Variants in PDPN observed in about 807,000 individuals in gnomAD.
The protein encoded by PDPN is podoplanin.
Under a neutral mutation model 23.2 loss-of-function variants are expected in PDPN, and 12 were observed. That is an observed-to-expected ratio of 0.52 (90% confidence interval 0.33 to 0.84). The LOEUF (loss-of-function observed/expected upper bound fraction) is 0.84, where lower values mean the gene tolerates loss of function less well. PDPN is among the 40% of genes least tolerant of loss of function. The pLI is 0.02. For missense variants in PDPN, 199 were observed against 212.2 expected, an observed-to-expected ratio of 0.94 and a Z score of 0.39; for synonymous variants, 77 against 76.7, an observed-to-expected ratio of 1.00 and a Z score of -0.02.
Position 13,584,088 on chromosome 1 carries a change from C to G in PDPN, c.55C>G (p.Leu19Val). 1 of 1,613,052 alleles carries G rather than the reference C, an allele frequency of 6.2e-7. No individual in the cohort carries two copies. Among genetic ancestry groups the G allele is most frequent in the Non-Finnish European group, 8.5e-7 (1 of 1,179,976 alleles). ...TTTGGGAAGCGCGTCGCTCTGGGTC[C>G]TGGCAGAAGGAGGTAAGACCCAGCG... ...FVLGSASLWV[L>V]AEGASTGQPE... Residue 19 changes from leucine (L) to valine (V), a missense_variant, in exon 1 of 6, where the codon CTG becomes GTG. Leu to Val is a conservative substitution (Grantham distance 32). Coordinates refer to ENST00000621990, the MANE Select transcript of PDPN (RefSeq NM_006474.5).
At chr1:13,596,689 G>A (rs79567026) in intron 1 of PDPN, among the ~76,000 whole-genome samples, 8 of 152,154 alleles carry the variant, frequency 5.3e-5, no homozygotes, top group African/African-American at 1.7e-4. Context: ...GCAAAACATC[G>A]ATATTCCAAA....
At chr1:13,591,133 G>A (rs1640332681) in intron 1 of PDPN, among the ~76,000 whole-genome samples, 1 of 152,006 alleles carries the variant, frequency 6.6e-6, no homozygotes, top group Non-Finnish European at 1.5e-5. Context: ...ATAGAGACGG[G>A]GTTTCATCAT....
At chr1:13,593,446 G>T (rs1640407886) in intron 1 of PDPN, among the ~76,000 whole-genome samples, 1 of 152,124 alleles carries the variant, frequency 6.6e-6, no homozygotes. Context: ...GGAGAAAAAT[G>T]GCAAGGGAAG....
At chr1:13,602,363 A>C (rs1640668952) in intron 1 of PDPN, among the ~76,000 whole-genome samples, 1 of 152,114 alleles carries the variant, frequency 6.6e-6, no homozygotes, top group Non-Finnish European at 1.5e-5. Flanking sequence ...TAGGCCAAAG[A>C]ATACATTCTT....
intron 1 of PDPN, chr1:13,585,667 G>A (rs746501135): frequency 1.0e-5 from 14 of 1,346,394 alleles, no homozygotes; most frequent in Non-Finnish European, 9.8e-6. Flanking sequence ...CGTTAAAACC[G>A]AAAAACCATC....
At chr1:13,594,697 A>G (rs1194826049) in intron 1 of PDPN, among the ~76,000 whole-genome samples, 2 of 152,154 alleles carry the variant, frequency 1.3e-5, no homozygotes, top group African/African-American at 4.8e-5. Flanking sequence ...TGTAAAGAAC[A>G]AGAGAGCTGC....
chr1:13,610,020 C>T (rs1640893471), intron 2 of PDPN, among the ~76,000 whole-genome samples: 1 of 152,122 alleles, frequency 6.6e-6, no homozygotes, highest in Admixed American at 6.5e-5. Context: ...AACGAGACTG[C>T]ACCATTGCAC....
In PDPN at chr1:13,583,871, AGCTCGGGCACCCTCCCTCT is replaced by A; in HGVS notation, c.-162_-144del. 2 of 1,606,486 alleles carry A rather than the reference AGCTCGGGCACCCTCCCTCT, an allele frequency of 1.2e-6. No homozygotes were observed. Among genetic ancestry groups the A allele is most frequent in the Non-Finnish European group, 1.7e-6 (2 of 1,176,230 alleles). On this transcript the variant is annotated 5_prime_UTR_variant, in exon 1 of 6. Transcript: ENST00000621990. ...CTGTCCGGCTGCCTAGGGTCTGGGA[AGCTCGGGCACCCTCCCTCT>A]CCGGGGCTCCTGCTCCCACCCCTCC...
intron 2 of PDPN, among the ~76,000 whole-genome samples, chr1:13,607,751 T>A (rs1291101637): frequency 6.6e-6 from 1 of 152,186 alleles, no homozygotes; most frequent in East Asian, 1.9e-4. Flanking sequence ...AGCCCAACTT[T>A]CAATACAATG....
chr1:13,596,390 G>A (rs1640497919), intron 1 of PDPN, among the ~76,000 whole-genome samples: 1 of 152,158 alleles, frequency 6.6e-6, no homozygotes, highest in Admixed American at 6.5e-5. Flanking sequence ...AGAGTGGCAG[G>A]CAGGCCAAAG....
chr1:13,586,125 T>A (rs1640172303), intron 1 of PDPN, among the ~76,000 whole-genome samples: 1 of 152,116 alleles, frequency 6.6e-6, no homozygotes, highest in African/African-American at 2.4e-5. Flanking sequence ...GCCACTTCAT[T>A]AGAGAGTTTA....
chr1:13,587,877 G>A lies in PDPN; in HGVS notation c.67+3777G>A, dbSNP rs1469814722. Among the ~76,000 whole-genome samples, 3 of 152,202 alleles carry A rather than the reference G, an allele frequency of 2.0e-5. No individual in the cohort carries two copies. In the East Asian group the frequency reaches 5.8e-4, roughly 29 times the overall value. On this transcript the variant is annotated intron_variant, in intron 1 of 5. Transcript: ENST00000621990. ...AACCCCAGCCCCTGTCCACCGGCCTGTTGGCAGCCAGTCAGATGATGGCAA... is the reference window on the plus strand; with the variant it reads ...AACCCCAGCCCCTGTCCACCGGCCTATTGGCAGCCAGTCAGATGATGGCAA...
intron 1 of PDPN, among the ~76,000 whole-genome samples, chr1:13,600,067 A>G (rs1376902878): frequency 6.6e-6 from 1 of 152,212 alleles, no homozygotes; most frequent in African/African-American, 2.4e-5. Flanking sequence ...GTCATTAAAT[A>G]AGACTGGAAG....
rs1413040025 is a variant in PDPN, at chr1:13,616,969, T to G, written c.*1058T>G. 1 of 152,196 alleles carries G rather than the reference T, an allele frequency of 6.6e-6. No individual in the cohort carries two copies. The highest frequency in any genetic ancestry group is 1.5e-5 in the Non-Finnish European group (1 of 68,042). 9.4% of individuals were successfully genotyped at this position (152,196 alleles called of 1,614,324 possible). A position where few individuals can be genotyped will look rare whatever the true frequency, so the allele number is the denominator to read the frequency against. ...AAGATACAGGGAACAAAAATCAATT[T>G]GTACAGTCTTAATATTAAAAGCAGC... is the stretch of plus-strand genomic sequence containing the variant. On this transcript the variant is annotated 3_prime_UTR_variant, in exon 6 of 6. Transcript: ENST00000621990.
At chr1:13,613,078 G>A (rs1376687730) in intron 3 of PDPN, among the ~76,000 whole-genome samples, 1 of 152,126 alleles carries the variant, frequency 6.6e-6, no homozygotes, top group Non-Finnish European at 1.5e-5. Context: ...ATTAGACTGG[G>A]TTTGACTGCA....
At chr1:13,586,759 C>A (rs1640188889) in intron 1 of PDPN, among the ~76,000 whole-genome samples, 1 of 123,790 alleles carries the variant, frequency 8.1e-6, no homozygotes. Context: ...CACTACTCTG[C>A]CATTAAAAAA....
Position 13,617,532 on chromosome 1 carries a change from C to G in PDPN, c.*1621C>G, listed in dbSNP as rs1471342302. 6.6e-6 allele frequency: 1 copy of G among 152,158 alleles called. No individual in the cohort carries two copies. The highest frequency in any genetic ancestry group is 6.5e-5 in the Admixed American group (1 of 15,278). 9.4% of individuals were successfully genotyped at this position (152,158 alleles called of 1,614,324 possible). A position where few individuals can be genotyped will look rare whatever the true frequency, so the allele number is the denominator to read the frequency against. On this transcript the variant is annotated 3_prime_UTR_variant, in exon 6 of 6. Transcript: ENST00000621990. ...GGACTACAGGTTCCTACCACCACAC[C>G]CGGCCAATTTTTGTATTTTTAGTAG...
At chr1:13,596,825 T>C (rs1291400674) in intron 1 of PDPN, among the ~76,000 whole-genome samples, 1 of 152,114 alleles carries the variant, frequency 6.6e-6, no homozygotes, top group Non-Finnish European at 1.5e-5. Context: ...CCACTTCAGG[T>C]TGACTGAGGG....
intron 3 of PDPN, among the ~76,000 whole-genome samples, 192 bp from the exon 4 acceptor site, chr1:13,613,495 A>T (rs1293493631): frequency 6.7e-6 from 1 of 149,364 alleles, no homozygotes; most frequent in East Asian, 1.9e-4. Flanking sequence ...CATAAATTAG[A>T]TAATAATAGT....
Sources: allele counts gnomAD v4.1 joint callset (sites outside exome capture counted in the v4.1 genomes callset), GRCh38; gene constraint gnomAD v4.1.1; transcripts MANE v1.5; gene names NCBI Gene and HGNC (gene_info 2026-07-23, HGNC 2026-07-21).